PKN2: variants seen among roughly 807,000 people sequenced by gnomAD.
PKN2 encodes the protein serine/threonine-protein kinase N2.
Under a neutral mutation model 119.1 loss-of-function variants are expected in PKN2, and 38 were observed. That is an observed-to-expected ratio of 0.32 (90% CI 0.25 to 0.42). PKN2 has a LOEUF of 0.42. PKN2 is among the 10% of genes least tolerant of loss of function. PKN2 has a pLI of 1.00. For missense variants in PKN2, 850 were observed against 1,165.1 expected, an observed-to-expected ratio of 0.73 and a Z score of 3.94; for synonymous variants, 390 against 384.9, an observed-to-expected ratio of 1.01 and a Z score of -0.15.
At chr1:88,733,013 C>A (rs757311222) in intron 1 of PKN2, among the ~76,000 whole-genome samples, 1 of 151,944 alleles carries the variant, frequency 6.6e-6, no homozygotes, top group Admixed American at 6.6e-5. Context: ...CAGGGAAAAA[C>A]GGGTAGGGAA....
At chr1:88,794,380 A>G (rs1292752951) in intron 8 of PKN2, among the ~76,000 whole-genome samples, 1 of 151,266 alleles carries the variant, frequency 6.6e-6, no homozygotes, top group Non-Finnish European at 1.5e-5. Context: ...AAAAAAAAAA[A>G]AAAAATCAAT....
intron 16 of PKN2, 113 bp downstream of exon 16, chr1:88,813,846 G>A (rs999024711): frequency 5.0e-6 from 4 of 807,818 alleles, no homozygotes; most frequent in Non-Finnish European, 7.6e-6. Flanking sequence ...ATAGATCTCT[G>A]CAAGAAATAC....
chr1:88,826,269 T>C (rs1376068556), intron 18 of PKN2, among the ~76,000 whole-genome samples: 3 of 152,222 alleles, frequency 2.0e-5, no homozygotes, highest in Non-Finnish European at 4.4e-5. Flanking sequence ...ACCAGACTTA[T>C]TAATGCATTA....
intron 15 of PKN2, 52 bp downstream of exon 15, chr1:88,807,827 G>T (rs1248833841): frequency 9.5e-7 from 1 of 1,055,518 alleles, no homozygotes; most frequent in Admixed American, 2.1e-5. Flanking sequence ...TAAGTTAAGA[G>T]AAATGATATA....
chr1:88,811,936 AG>A (rs1557628861), intron 15 of PKN2, among the ~76,000 whole-genome samples: 2 of 152,302 alleles, frequency 1.3e-5, no homozygotes, highest in South Asian at 4.1e-4. Context: ...GTCTTATAAA[AG>A]AGGTTGGATT....
chr1:88,829,753 C>G (rs1340850796), intron 19 of PKN2, among the ~76,000 whole-genome samples: 2 of 152,112 alleles, frequency 1.3e-5, no homozygotes, highest in African/African-American at 4.8e-5. Flanking sequence ...GTTCATTATT[C>G]TGCAGTTTCC....
intron 1 of PKN2, among the ~76,000 whole-genome samples, chr1:88,737,819 G>C (rs752936240): frequency 7.9e-5 from 12 of 152,140 alleles, no homozygotes; most frequent in Non-Finnish European, 1.5e-4. Flanking sequence ...AGTGGGCTGT[G>C]TCTCTCTCTG....
intron 1 of PKN2, among the ~76,000 whole-genome samples, chr1:88,731,181 C>T (rs1409959796): frequency 1.3e-5 from 2 of 151,912 alleles, no homozygotes; most frequent in Admixed American, 6.6e-5. Flanking sequence ...ATAGGGAAAC[C>T]GAAAGATAGA....
chr1:88,735,731 T>C (rs1219321778), intron 1 of PKN2, among the ~76,000 whole-genome samples: 1 of 152,004 alleles, frequency 6.6e-6, no homozygotes, highest in Admixed American at 6.6e-5. Flanking sequence ...CCTTATATGT[T>C]ATTTGCTGCT....
At chr1:88,720,986 T>TAC (rs1319607692) in intron 1 of PKN2, among the ~76,000 whole-genome samples, 2 of 152,124 alleles carry the variant, frequency 1.3e-5, no homozygotes, top group Non-Finnish European at 2.9e-5. Context: ...TAGTATCATA[T>TAC]ACACACACAC....
intron 8 of PKN2, among the ~76,000 whole-genome samples, chr1:88,793,388 CA>C (rs1436470637): frequency 6.6e-6 from 1 of 151,726 alleles, no homozygotes; most frequent in Non-Finnish European, 1.5e-5. Flanking sequence ...TGCACATTTC[CA>C]AAAAAGATTC....
At chr1:88,790,296 GTGAA>G (rs1670766613) in intron 8 of PKN2, among the ~76,000 whole-genome samples, 1 of 152,166 alleles carries the variant, frequency 6.6e-6, no homozygotes, top group South Asian at 2.1e-4. Context: ...TGAGAAAAGG[GTGAA>G]TGAAATAAAG....
chr1:88,814,213 A>T (rs1262506586), intron 16 of PKN2, among the ~76,000 whole-genome samples: 1 of 152,216 alleles, frequency 6.6e-6, no homozygotes, highest in Non-Finnish European at 1.5e-5. Context: ...GAACAAATGT[A>T]AAAGAAACTG....
intron 8 of PKN2, among the ~76,000 whole-genome samples, chr1:88,795,198 C>T (rs1671011674): frequency 6.6e-6 from 1 of 152,082 alleles, no homozygotes; most frequent in Admixed American, 6.6e-5. Context: ...TTGTATCTTC[C>T]TCCTTGGTTT....
intron 8 of PKN2, among the ~76,000 whole-genome samples, chr1:88,789,108 G>C (rs1010694547): frequency 6.6e-6 from 1 of 152,218 alleles, no homozygotes; most frequent in Middle Eastern, 3.4e-3. Flanking sequence ...AGAAAATGTC[G>C]ACCGATCACT....
chr1:88,729,271 TA>T (rs1668032544), intron 1 of PKN2, among the ~76,000 whole-genome samples: 1 of 152,232 alleles, frequency 6.6e-6, no homozygotes, highest in Admixed American at 6.5e-5. Flanking sequence ...ATAATAATTG[TA>T]TTTGAAAAGA....
chr1:88,771,973 T>A (rs1027143750), intron 6 of PKN2, 94 bp downstream of exon 6: 14 of 775,990 alleles, frequency 1.8e-5, no homozygotes, highest in African/African-American at 7.1e-5. Flanking sequence ...CATAGATTTT[T>A]AAAATTATGA....
At chr1:88,755,514 G>A (rs997446803) in intron 2 of PKN2, among the ~76,000 whole-genome samples, 2 of 152,178 alleles carry the variant, frequency 1.3e-5, no homozygotes, top group African/African-American at 4.8e-5. Flanking sequence ...TTTGTAAAAT[G>A]AAGTTACATT....
intron 1 of PKN2, among the ~76,000 whole-genome samples, chr1:88,687,654 G>A (rs1414098297): frequency 4.6e-5 from 7 of 152,046 alleles, no homozygotes; most frequent in African/African-American, 1.2e-4. Context: ...TGTTGGTCTG[G>A]GAATCTTAAA....
Sources: gnomAD v4.1 joint callset for allele counts (sites outside exome capture counted in the v4.1 genomes callset) on GRCh38, gnomAD v4.1.1 for gene constraint, MANE v1.5 for transcripts, NCBI Gene and HGNC (gene_info 2026-07-23, HGNC 2026-07-21) for gene names.